The following LYSET variants were observed in gnomAD, a reference collection of about 807,000 sequenced individuals.
The protein encoded by LYSET is lysosomal enzyme trafficking factor, also known as GNPTAB cleavage and activity factor.
chr14:93,187,711 A>C, the LYSET span, among the ~76,000 whole-genome samples: 3 of 152,082 alleles, frequency 2.0e-5, no homozygotes, highest in Non-Finnish European at 2.9e-5. Flanking sequence ...GGCTCACTGG[A>C]ACCTTCGGCT....
the LYSET span, among the ~76,000 whole-genome samples, chr14:93,187,329 G>T: frequency 6.6e-6 from 1 of 151,906 alleles, no homozygotes; most frequent in Non-Finnish European, 1.5e-5. Context: ...TCGCTATGTT[G>T]CCCAGGCAGG....
chr14:93,187,504 A>G, the LYSET span, among the ~76,000 whole-genome samples: 1 of 152,144 alleles, frequency 6.6e-6, no homozygotes, highest in South Asian at 2.1e-4. Flanking sequence ...CTCCAATGCT[A>G]CTGATTTAGA....
chr14:93,185,518 G>A, the LYSET span: 1 of 1,582,022 alleles, frequency 6.3e-7, no homozygotes, highest in South Asian at 1.1e-5. Context: ...CTTAACTTGG[G>A]GGCTTGACTT....
At chr14:93,185,439 G>A in the LYSET span, 3 of 1,613,556 alleles carry the variant, frequency 1.9e-6, no homozygotes, top group East Asian at 4.5e-5. Context: ...AGAGCTGAGT[G>A]ACTCTTTAAC....
At chr14:93,186,204 T>C in the LYSET span, 2 of 1,498,054 alleles carry the variant, frequency 1.3e-6, no homozygotes, top group South Asian at 2.5e-5. Context: ...ACATTTGGAG[T>C]AGTTGCCGTG....
chr14:93,188,178 C>T, the LYSET span, among the ~76,000 whole-genome samples: 4 of 151,906 alleles, frequency 2.6e-5, no homozygotes, highest in African/African-American at 4.8e-5. Flanking sequence ...AGGCTGGTCC[C>T]GAACTCCTGA....
the LYSET span, chr14:93,186,762 G>A: frequency 7.2e-7 from 1 of 1,390,536 alleles, no homozygotes; most frequent in Non-Finnish European, 9.7e-7. Context: ...CAGATCTCAG[G>A]AAGTTGTCGT....
At chr14:93,186,759 C>A in the LYSET span, 1 of 1,403,192 alleles carries the variant, frequency 7.1e-7, no homozygotes, top group South Asian at 1.5e-5. Context: ...TCACAGATCT[C>A]AGGAAGTTGT....
chr14:93,186,670 A>G, the LYSET span: 1 of 1,586,108 alleles, frequency 6.3e-7, no homozygotes, highest in Non-Finnish European at 8.6e-7. Context: ...ATTGACACGT[A>G]AAATCAGTCA....
At chr14:93,186,145 A>G in the LYSET span, 2 of 986,098 alleles carry the variant, frequency 2.0e-6, no homozygotes, top group South Asian at 3.2e-5. Context: ...CTGGGATTAC[A>G]GGCGCGAGCC....
chr14:93,185,363 C>A, the LYSET span: 1 of 1,597,284 alleles, frequency 6.3e-7, no homozygotes, highest in Admixed American at 1.7e-5. Context: ...TTTCTCCTAG[C>A]CGGGTGACCC....
chr14:93,186,050 T>C, the LYSET span, among the ~76,000 whole-genome samples: 4 of 151,946 alleles, frequency 2.6e-5, no homozygotes, highest in African/African-American at 4.8e-5. Context: ...TTTGTATTTT[T>C]AGTAGAGACG....
the LYSET span, chr14:93,186,121 A>C: frequency 1.4e-6 from 1 of 737,754 alleles, no homozygotes; most frequent in Non-Finnish European, 2.2e-6. Flanking sequence ...CACCCGCCTC[A>C]GCCTCCCAAA....
At chr14:93,185,168 TGCAGCGCGGCAGGGGGCGGGGCC>T in the LYSET span, 3 of 174,114 alleles carry the variant, frequency 1.7e-5, no homozygotes, top group Admixed American at 6.4e-5. Context: ...GTGCCGGCGC[TGCAGCGCGGCAGGGGGCGGGGCC>T]GGCCGCCCGG....
chr14:93,184,992 A>G, the LYSET span: 1 of 158,132 alleles, frequency 6.3e-6, no homozygotes, highest in South Asian at 1.7e-4. This position sits in a 1 kb window ranked among gnomAD's most constrained non-coding sequence, Gnocchi z 4.2. Flanking sequence ...CTGCGGCGGC[A>G]TCCGGGACGG....
the LYSET span, chr14:93,186,441 A>T: frequency 6.2e-7 from 1 of 1,614,230 alleles, no homozygotes; most frequent in Non-Finnish European, 8.5e-7. Flanking sequence ...AACCACATGG[A>T]CACACTCCTT....
the LYSET span, among the ~76,000 whole-genome samples, chr14:93,187,601 A>G: frequency 3.5e-4 from 54 of 152,268 alleles, 1 homozygote; most frequent in African/African-American, 1.3e-3. Context: ...TGTTCAATGA[A>G]AATCTAGCAG....
At chr14:93,186,188 GC>G in the LYSET span, 3 of 1,447,206 alleles carry the variant, frequency 2.1e-6, no homozygotes, top group Non-Finnish European at 2.8e-6. Context: ...TGGAGATAAA[GC>G]AAGTACATTT....
the LYSET span, chr14:93,185,262 G>T: frequency 3.2e-6 from 2 of 633,626 alleles, no homozygotes; most frequent in African/African-American, 1.9e-5. Context: ...GTCTCCGGCG[G>T]CGGCGACGGG....
Sources: allele counts gnomAD v4.1 joint callset (sites outside exome capture counted in the v4.1 genomes callset), GRCh38; gene constraint gnomAD v4.1.1; non-coding constraint Gnocchi (gnomAD v3.1); transcripts MANE v1.5; gene names NCBI Gene and HGNC (gene_info 2026-07-23, HGNC 2026-07-21).